The following GRIN2B variants were observed in gnomAD, a reference collection of about 807,000 sequenced individuals.
The protein encoded by GRIN2B is glutamate receptor ionotropic, NMDA 2B.
A neutral mutation model predicts 114.5 loss-of-function variants in GRIN2B; 5 were observed. The ratio of observed to expected loss-of-function variants is 0.04; its 90% CI spans 0.02 to 0.09. The LOEUF (loss-of-function observed/expected upper bound fraction) is 0.09. Among genes scored for constraint, GRIN2B ranks in the 10% least tolerant of loss-of-function variants. The pLI is 1.00. For synonymous variants in GRIN2B, 787 were observed against 745.1 expected, an observed-to-expected ratio of 1.06 and a Z score of -0.92; for missense variants, 1,108 against 1,943.5, an observed-to-expected ratio of 0.57 and a Z score of 8.08.
At chr12:13,828,342 G>T (rs1167532189) in intron 3 of GRIN2B, among the ~76,000 whole-genome samples, 1 of 152,180 alleles carries the variant, frequency 6.6e-6, no homozygotes, top group East Asian at 1.9e-4. Context: ...GGCCCAGTGG[G>T]AATTCTGGGA....
In GRIN2B at chr12:13,563,205, C is replaced by T. The variant is rs1208377340; in HGVS notation, c.4033G>A (p.Gly1345Ser). 1 of 1,614,244 alleles carries T rather than the reference C, an allele frequency of 6.2e-7. No homozygotes were observed. The highest frequency in any genetic ancestry group is 1.7e-5 in the Admixed American group (1 of 60,036). ...PYAHMFEMSA[G>S]ESTFANNKSS... is the part of the protein sequence containing the mutation. ...TTGTTGTTGGCAAAGGTGCTCTCGC[C>T]AGCTGACATCTCAAACATGTGGGCG... Residue 1345 changes from glycine to serine, a missense_variant, in exon 14 of 14, where the codon GGC becomes AGC. Gly to Ser is a moderately conservative substitution (Grantham distance 56). Around this residue, in one of 19 missense-constraint regions of GRIN2B, gnomAD observed 478 missense variants for 506.0 expected, o/e 0.94. Transcript: ENST00000609686.
rs146161686 is a variant in GRIN2B, at chr12:13,567,321, G to C, written c.2360-58C>G. 2.4e-5 allele frequency: 29 copies of C among 1,227,594 alleles called. No homozygotes were observed. The East Asian group carries it at 5.6e-4, about 24-fold the overall frequency. The allele number at this position is 1,227,594 out of a possible 1,614,324, so 76.0% of individuals were successfully genotyped here. On this transcript the variant is annotated intron_variant, in intron 12 of 13. Coordinates refer to ENST00000609686, the MANE Select transcript of GRIN2B (RefSeq NM_000834.5). ...AAAGAGGAGACAGGAAAGGAGCAGAGAAAAGGGAGAAAGAGGAGTATTGAG... is the reference window on the plus strand; with the variant it reads ...AAAGAGGAGACAGGAAAGGAGCAGACAAAAGGGAGAAAGAGGAGTATTGAG...
intron 13 of GRIN2B, among the ~76,000 whole-genome samples, chr12:13,565,533 G>A (rs942200647): frequency 3.9e-5 from 6 of 152,294 alleles, no homozygotes; most frequent in East Asian, 1.9e-4. Flanking sequence ...TGCAGGAGAG[G>A]CAACGGGCTG....
chr12:13,695,564 G>A (rs1332437932), intron 4 of GRIN2B, among the ~76,000 whole-genome samples: 1 of 152,076 alleles, frequency 6.6e-6, no homozygotes, highest in Non-Finnish European at 1.5e-5. Context: ...TGGGAATGAT[G>A]AAGGTATAGC....
intron 9 of GRIN2B, chr12:13,609,892 AC>A (rs1025978561): frequency 6.6e-6 from 1 of 152,110 alleles, no homozygotes; most frequent in African/African-American, 2.4e-5. Context: ...CCCCCACCTA[AC>A]CTTTGCATAG....
chr12:13,582,228 T>A (rs1202851273), intron 10 of GRIN2B, among the ~76,000 whole-genome samples: 1 of 152,196 alleles, frequency 6.6e-6, no homozygotes, highest in Non-Finnish European at 1.5e-5. Flanking sequence ...GAATCTGGAA[T>A]GGAGGTAAGA....
At chr12:13,835,789 A>G (rs1021001954) in intron 3 of GRIN2B, among the ~76,000 whole-genome samples, 3 of 151,538 alleles carry the variant, frequency 2.0e-5, no homozygotes, top group Non-Finnish European at 2.9e-5. Flanking sequence ...AAAAAAAAAA[A>G]AAAAAAGAAA....
At position 13,567,287 on chromosome 12, in the gene GRIN2B, A is replaced by AATGGATAAAAAGAGG. The variant is rs778758439; in HGVS notation, c.2360-39_2360-25dup. ...CCCTGGGGAAAGGACAGAGAAGGAA[A>AATGGATAAAAAGAGG]ATGGATAAAAAGAGGAGACAGGAAA... On this transcript the variant is annotated intron_variant, in intron 12 of 13. Coordinates refer to ENST00000609686, the MANE Select transcript of GRIN2B (RefSeq NM_000834.5). 6.5e-6 allele frequency: 10 copies of AATGGATAAAAAGAGG among 1,537,976 alleles called. No individual in the cohort carries two copies. In the Admixed American group the frequency reaches 1.7e-4, roughly 26 times the overall value.
chr12:13,691,844 A>G (rs771541497), intron 4 of GRIN2B, among the ~76,000 whole-genome samples: 1 of 152,214 alleles, frequency 6.6e-6, no homozygotes, highest in Non-Finnish European at 1.5e-5. Context: ...GATCCAAGCA[A>G]GTAGGTGTTG....
chr12:13,774,542 G>A (rs533395370), intron 3 of GRIN2B, among the ~76,000 whole-genome samples: 1 of 152,210 alleles, frequency 6.6e-6, no homozygotes, highest in South Asian at 2.1e-4. Flanking sequence ...ATAGCAGAAG[G>A]GATTACTATC....
At chr12:13,776,265 G>A (rs1000098306) in intron 3 of GRIN2B, among the ~76,000 whole-genome samples, 1 of 152,078 alleles carries the variant, frequency 6.6e-6, no homozygotes, top group Admixed American at 6.6e-5. Flanking sequence ...ACACACACTG[G>A]GGCCTGTCAG....
intron 10 of GRIN2B, among the ~76,000 whole-genome samples, chr12:13,602,976 C>T (rs1949182952): frequency 6.6e-6 from 1 of 152,172 alleles, no homozygotes; most frequent in Non-Finnish European, 1.5e-5. Flanking sequence ...AAACAGCAAA[C>T]TTCTGTGACT....
At chr12:13,579,466 A>G (rs1334113589) in intron 10 of GRIN2B, among the ~76,000 whole-genome samples, 1 of 152,202 alleles carries the variant, frequency 6.6e-6, no homozygotes, top group African/African-American at 2.4e-5. Flanking sequence ...AATAGCACCT[A>G]CCTCATAAAG....
At chr12:13,697,391 C>T (rs561358402) in intron 4 of GRIN2B, among the ~76,000 whole-genome samples, 1 of 152,304 alleles carries the variant, frequency 6.6e-6, no homozygotes, top group South Asian at 2.1e-4. Flanking sequence ...CTAGCTGAGT[C>T]CGTATCCCTA....
chr12:13,587,942 C>T (rs942062951), intron 10 of GRIN2B, among the ~76,000 whole-genome samples: 4 of 152,098 alleles, frequency 2.6e-5, no homozygotes, highest in Non-Finnish European at 2.9e-5. Flanking sequence ...ATGACAAAAC[C>T]GAATGGCAAA....
intron 2 of GRIN2B, among the ~76,000 whole-genome samples, chr12:13,978,378 T>C (rs1863067250): frequency 6.6e-6 from 1 of 152,178 alleles, no homozygotes; most frequent in African/African-American, 2.4e-5. Flanking sequence ...CCTCTCACTC[T>C]GATTACACCA....
chr12:13,675,934 A>G (rs1371170510), intron 4 of GRIN2B, 75 bp from the exon 5 acceptor site: 1 of 832,914 alleles, frequency 1.2e-6, no homozygotes, highest in African/African-American at 1.7e-5. Context: ...AGGTATATAG[A>G]GAGAAAGCTG....
chr12:13,708,750 C>T (rs2300252), intron 4 of GRIN2B, among the ~76,000 whole-genome samples: 41,912 of 151,840 alleles, frequency 0.28, 6,015 homozygotes, highest in Non-Finnish European at 0.3. Context: ...TGACAGGTAT[C>T]GGTAATTCTA....
At chr12:13,803,842 G>A (rs898382806) in intron 3 of GRIN2B, among the ~76,000 whole-genome samples, 2 of 152,200 alleles carry the variant, frequency 1.3e-5, no homozygotes, top group Non-Finnish European at 2.9e-5. Flanking sequence ...AGCCAAGTCT[G>A]AGCTGATGTA....
Sources: gnomAD v4.1 joint callset for allele counts (sites outside exome capture counted in the v4.1 genomes callset) on GRCh38, gnomAD v4.1.1 for gene constraint, gnomAD v4.1.1 regional missense constraint, MANE v1.5 for transcripts, NCBI Gene and HGNC (gene_info 2026-07-23, HGNC 2026-07-21) for gene names.